The following MCTP2 variants were observed in gnomAD, a reference collection of about 807,000 sequenced individuals.
MCTP2 encodes the protein multiple C2 and transmembrane domain-containing protein 2.
Under a neutral mutation model 111.6 loss-of-function variants are expected in MCTP2, and 132 were observed. The observed-to-expected ratio is 1.18, with a 90% CI of 1.03 to 1.37. The LOEUF (loss-of-function observed/expected upper bound fraction) is 1.37. MCTP2 is among the 40% of genes most tolerant of loss of function. The pLI is 0.00. For missense variants in MCTP2, 1,183 were observed against 1,067.9 expected (o/e 1.11, Z -1.50); for synonymous variants, 395 against 387.7 (o/e 1.02, Z -0.22).
chr15:94,476,850 CGGAGCCAGAGGAACACAA>C, intron 22 of MCTP2, 57 bp downstream of exon 22: 1 of 1,005,158 alleles, frequency 9.9e-7, no homozygotes, highest in Non-Finnish European at 1.6e-6. Flanking sequence ...TGGCCAGCCC[CGGAGCCAGAGGAACACAA>C]GGCTTTGCTT....
At chr15:94,385,712 T>A (rs915386385) in intron 14 of MCTP2, among the ~76,000 whole-genome samples, 187 bp downstream of exon 14, 1 of 152,168 alleles carries the variant, frequency 6.6e-6, no homozygotes, top group Non-Finnish European at 1.5e-5. Flanking sequence ...AGGGATGTAA[T>A]TTTTTTCTGT....
At chr15:94,253,391 C>T (rs888061418) in intron 1 of MCTP2, among the ~76,000 whole-genome samples, 36 of 152,170 alleles carry the variant, frequency 2.4e-4, no homozygotes, top group Non-Finnish European at 5.9e-5. Flanking sequence ...CCTATCTAGG[C>T]AACTTAAACA....
chr15:94,403,155 A>G, intron 17 of MCTP2: 2 of 986,254 alleles, frequency 2.0e-6, no homozygotes, highest in Non-Finnish European at 2.4e-6. Context: ...TTCGGTGTAG[A>G]GGACCTATGC....
intron 1 of MCTP2, among the ~76,000 whole-genome samples, chr15:94,270,086 G>A (rs1204935831): frequency 6.6e-6 from 1 of 152,108 alleles, no homozygotes; most frequent in Non-Finnish European, 1.5e-5. Flanking sequence ...GGGGACTTTT[G>A]AAATGTATAT....
intron 17 of MCTP2, among the ~76,000 whole-genome samples, chr15:94,439,285 C>G (rs1244910922): frequency 6.6e-6 from 1 of 150,612 alleles, no homozygotes; most frequent in African/African-American, 2.4e-5. Flanking sequence ...ATTTAAGATG[C>G]AGTAATTTGC....
chr15:94,343,860 G>A (rs1008041786), intron 7 of MCTP2: 1 of 152,148 alleles, frequency 6.6e-6, no homozygotes, highest in Non-Finnish European at 1.5e-5. Context: ...TCAATATATG[G>A]TAGTTGGTAG....
At chr15:94,407,213 A>G (rs2081946196) in intron 17 of MCTP2, among the ~76,000 whole-genome samples, 1 of 152,214 alleles carries the variant, frequency 6.6e-6, no homozygotes, top group East Asian at 1.9e-4. Flanking sequence ...CATTTTTCAT[A>G]TGTTAAAATA....
At position 94,315,631 on chromosome 15, in the gene MCTP2, C is replaced by A. The variant is rs376414265; in HGVS notation, c.631C>A (p.Arg211Ser). The A allele has an allele frequency of 6.2e-7, 1 of 1,613,214 alleles. No homozygotes were observed. Among genetic ancestry groups the A allele is most frequent in the South Asian group, 1.1e-5 (1 of 91,048 alleles). ...AGGCCGGAACCTGGTTGTCCGAGAT[C>A]GCTGTGGTAAGACCTGGGTCTGTTA... ...KEGRNLVVRD[R>S]CGTSDPYVKF... is the part of the protein sequence containing the mutation. The change falls in exon 4 of 23, where the codon CGC becomes AGC. Residue 211 changes from arginine to serine, a missense_variant. By Grantham distance (110) the Arg-to-Ser change is moderately radical. Coordinates refer to ENST00000357742, the MANE Select transcript of MCTP2 (RefSeq NM_001385001.1).
chr15:94,329,899 C>T (rs1480515006), intron 4 of MCTP2, among the ~76,000 whole-genome samples: 1 of 152,182 alleles, frequency 6.6e-6, no homozygotes, highest in African/African-American at 2.4e-5. Context: ...TATGGTAGGT[C>T]TCCAGACTCA....
At chr15:94,374,722 C>T (rs1166393813) in intron 12 of MCTP2, among the ~76,000 whole-genome samples, 1 of 152,160 alleles carries the variant, frequency 6.6e-6, no homozygotes, top group Non-Finnish European at 1.5e-5. Flanking sequence ...GTTTCACACT[C>T]ATGGCCCTTA....
At chr15:94,270,133 G>A (rs1442290740) in intron 1 of MCTP2, among the ~76,000 whole-genome samples, 1 of 152,092 alleles carries the variant, frequency 6.6e-6, no homozygotes, top group Admixed American at 6.5e-5. Context: ...GGACATTGCT[G>A]ACACATAGGA....
chr15:94,274,551 A>T (rs1336853650), intron 1 of MCTP2, among the ~76,000 whole-genome samples: 1 of 152,166 alleles, frequency 6.6e-6, no homozygotes, highest in African/African-American at 2.4e-5. Flanking sequence ...TAAACTAAAC[A>T]TGATATAGAA....
chr15:94,423,131 AGCCTAACAAACTTTGTCTTCCAAGT>A (rs1031953713), intron 17 of MCTP2, among the ~76,000 whole-genome samples: 7 of 152,186 alleles, frequency 4.6e-5, no homozygotes, highest in African/African-American at 1.7e-4. Context: ...AGTGAAATAG[AGCCTAACAAACTTTGTCTTCCAAGT>A]GATTTTCTTC....
At chr15:94,354,499 C>T (rs988282584) in intron 8 of MCTP2, among the ~76,000 whole-genome samples, 2 of 152,050 alleles carry the variant, frequency 1.3e-5, no homozygotes, top group African/African-American at 2.4e-5. Flanking sequence ...TCCTTCCTGC[C>T]GCCTTGTGAA....
At chr15:94,286,850 T>C (rs764042363) in intron 1 of MCTP2, among the ~76,000 whole-genome samples, 4 of 152,164 alleles carry the variant, frequency 2.6e-5, no homozygotes, top group Non-Finnish European at 5.9e-5. Flanking sequence ...CGTTAGTGGT[T>C]TGGAGAGGGA....
At chr15:94,473,661 C>T (rs1031638523) in intron 21 of MCTP2, among the ~76,000 whole-genome samples, 6 of 152,188 alleles carry the variant, frequency 3.9e-5, no homozygotes, top group Admixed American at 3.3e-4. Flanking sequence ...TATTAATTCT[C>T]TAAGCTAAAT....
At chr15:94,299,211 A>T (rs1596301579) in intron 2 of MCTP2, among the ~76,000 whole-genome samples, 1 of 151,844 alleles carries the variant, frequency 6.6e-6, no homozygotes, top group South Asian at 2.1e-4. Context: ...TATTACAAAT[A>T]ACTCTTCCAG....
At chr15:94,418,836 C>G (rs544357062) in intron 17 of MCTP2, among the ~76,000 whole-genome samples, 76 of 152,158 alleles carry the variant, frequency 5.0e-4, no homozygotes, top group African/African-American at 1.6e-3. Flanking sequence ...AGGTTAGAAG[C>G]CTTCTTTTCC....
At chr15:94,301,477 A>G (rs1401777399) in intron 2 of MCTP2, among the ~76,000 whole-genome samples, 1 of 152,100 alleles carries the variant, frequency 6.6e-6, no homozygotes, top group Non-Finnish European at 1.5e-5. Context: ...GGGCTTCCTT[A>G]CTTATCTTCT....
Sources: allele counts gnomAD v4.1 joint callset (sites outside exome capture counted in the v4.1 genomes callset), GRCh38; gene constraint gnomAD v4.1.1; transcripts MANE v1.5; gene names NCBI Gene and HGNC (gene_info 2026-07-23, HGNC 2026-07-21).